Variants in CPNE8 observed in about 807,000 individuals in gnomAD.
CPNE8 encodes copine 8.
Under a neutral mutation model 81.5 loss-of-function variants are expected in CPNE8, and 45 were observed. The ratio of observed to expected loss-of-function variants is 0.55; its 90% CI spans 0.44 to 0.71. CPNE8 has a LOEUF of 0.71. CPNE8 is among the 30% of genes least tolerant of loss of function. The pLI is 0.00. For missense variants in CPNE8, 594 were observed against 672.1 expected, an observed-to-expected ratio of 0.88 and a Z score of 1.28; for synonymous variants, 252 against 226.3, an observed-to-expected ratio of 1.11 and a Z score of -1.02.
At chr12:38,811,935 G>A (rs1425555351) in intron 6 of CPNE8, among the ~76,000 whole-genome samples, 1 of 152,208 alleles carries the variant, frequency 6.6e-6, no homozygotes, top group Non-Finnish European at 1.5e-5. Context: ...AGGTCACAAA[G>A]TTGAAGAAAT....
intron 14 of CPNE8, among the ~76,000 whole-genome samples, chr12:38,701,421 T>G (rs1041979351): frequency 1.3e-5 from 2 of 152,224 alleles, no homozygotes; most frequent in Non-Finnish European, 2.9e-5. Context: ...GTGCTAGTAT[T>G]CATCAGTGAA....
intron 6 of CPNE8, among the ~76,000 whole-genome samples, chr12:38,798,875 C>T (rs1273013492): frequency 6.6e-6 from 1 of 151,502 alleles, no homozygotes; most frequent in Non-Finnish European, 1.5e-5. Flanking sequence ...AAATGGAAAA[C>T]AAAAAAAGGC....
intron 6 of CPNE8, among the ~76,000 whole-genome samples, chr12:38,788,532 C>G (rs1942250420): frequency 6.6e-6 from 1 of 151,854 alleles, no homozygotes; most frequent in African/African-American, 2.4e-5. Context: ...AAAGCCTTTC[C>G]TCTAAGATCT....
intron 16 of CPNE8, among the ~76,000 whole-genome samples, chr12:38,682,544 C>A (rs1266070081): frequency 6.6e-6 from 1 of 152,132 alleles, no homozygotes; most frequent in Non-Finnish European, 1.5e-5. Flanking sequence ...GGCGACAGAG[C>A]AAACAAACAA....
At chr12:38,713,397 C>G (rs1940310023) in intron 13 of CPNE8, among the ~76,000 whole-genome samples, 1 of 152,076 alleles carries the variant, frequency 6.6e-6, no homozygotes, top group Non-Finnish European at 1.5e-5. Flanking sequence ...TAGAGTTCAG[C>G]TGAGACAAAT....
chr12:38,684,182 A>T (rs902694959), intron 16 of CPNE8, among the ~76,000 whole-genome samples: 5 of 152,166 alleles, frequency 3.3e-5, no homozygotes, highest in Admixed American at 2.6e-4. Flanking sequence ...ACTGCCATCA[A>T]TATATAGTAT....
intron 6 of CPNE8, among the ~76,000 whole-genome samples, chr12:38,808,262 C>G (rs768811842): frequency 3.3e-5 from 5 of 152,080 alleles, no homozygotes; most frequent in Non-Finnish European, 7.4e-5. Flanking sequence ...GTTATATACC[C>G]AAACGAGTAT....
intron 6 of CPNE8, among the ~76,000 whole-genome samples, chr12:38,779,003 G>A (rs1298295960): frequency 2.0e-5 from 3 of 151,984 alleles, no homozygotes; most frequent in East Asian, 1.9e-4. Flanking sequence ...CTACATTATC[G>A]TTTTCAGCAT....
chr12:38,795,732 G>A (rs1592095862), intron 6 of CPNE8, among the ~76,000 whole-genome samples: 1 of 152,070 alleles, frequency 6.6e-6, no homozygotes, highest in East Asian at 1.9e-4. Context: ...GAAAAGGAGT[G>A]TTGTTTAATG....
upstream of CPNE8, chr12:38,906,252 G>A: frequency 5.1e-6 from 5 of 985,516 alleles, no homozygotes; most frequent in Non-Finnish European, 6.0e-6. Flanking sequence ...TGAGAGTTGG[G>A]GACGGTGGGG....
At chr12:38,660,059 A>G (rs1938917571) in intron 19 of CPNE8, among the ~76,000 whole-genome samples, 1 of 152,244 alleles carries the variant, frequency 6.6e-6, no homozygotes, top group Non-Finnish European at 1.5e-5. Flanking sequence ...TTATAGATTC[A>G]ATGCCATCCC....
intron 13 of CPNE8, among the ~76,000 whole-genome samples, chr12:38,707,888 AC>A (rs1260560753): frequency 6.6e-6 from 1 of 152,194 alleles, no homozygotes; most frequent in Non-Finnish European, 1.5e-5. Context: ...TTTATGGAGC[AC>A]CTTTCAATTG....
intron 6 of CPNE8, among the ~76,000 whole-genome samples, chr12:38,820,964 T>G (rs1943102060): frequency 6.6e-6 from 1 of 152,184 alleles, no homozygotes; most frequent in Admixed American, 6.5e-5. Context: ...TCACCAATCC[T>G]TGTGAAATCA....
At chr12:38,893,036 G>A (rs997211535) in intron 1 of CPNE8, among the ~76,000 whole-genome samples, 5 of 152,022 alleles carry the variant, frequency 3.3e-5, no homozygotes, top group African/African-American at 1.2e-4. Context: ...ACTTGAATTA[G>A]AGCCTACATT....
At chr12:38,896,321 G>T (rs909042222) in intron 1 of CPNE8, among the ~76,000 whole-genome samples, 1 of 152,006 alleles carries the variant, frequency 6.6e-6, no homozygotes, top group Non-Finnish European at 1.5e-5. Context: ...AAGAATGTCT[G>T]GTAGCTAATG....
intron 14 of CPNE8, among the ~76,000 whole-genome samples, chr12:38,698,705 A>G (rs1163045656): frequency 6.6e-6 from 1 of 152,192 alleles, no homozygotes; most frequent in African/African-American, 2.4e-5. Context: ...AGTTGACCTT[A>G]GACATCAGGG....
At chr12:38,700,495 G>A (rs1939913871) in intron 14 of CPNE8, among the ~76,000 whole-genome samples, 1 of 151,122 alleles carries the variant, frequency 6.6e-6, no homozygotes, top group Admixed American at 6.6e-5. Context: ...AAACTGCTAG[G>A]AATACAGGCG....
intron 5 of CPNE8, among the ~76,000 whole-genome samples, chr12:38,830,671 G>C (rs1943271106): frequency 1.3e-5 from 2 of 152,128 alleles, no homozygotes; most frequent in Non-Finnish European, 2.9e-5. Context: ...CAAACAAAAT[G>C]TGTTCAGTAT....
Position 38,879,821 on chromosome 12 carries a change from G to T in CPNE8, c.99-5310C>A, listed in dbSNP as rs1240733806. 3.3e-5 allele frequency among the ~76,000 whole-genome samples: 5 copies of T among 151,792 alleles called. No homozygotes were observed. In the East Asian group the frequency reaches 9.7e-4, roughly 29 times the overall value. On this transcript the variant is annotated intron_variant, in intron 1 of 19. Transcript: ENST00000331366. The stretch of plus-strand genomic sequence containing the variant: ...AAGTTCTAATTTAATTAAAAAATTA[G>T]AAATTTTTAAAGTTCTAATTCAATA...
Sources: allele counts gnomAD v4.1 joint callset (sites outside exome capture counted in the v4.1 genomes callset), GRCh38; gene constraint gnomAD v4.1.1; transcripts MANE v1.5; gene names NCBI Gene and HGNC (gene_info 2026-07-23, HGNC 2026-07-21).